Variants in SMCO4 observed in about 807,000 individuals in gnomAD.
SMCO4 encodes single-pass membrane protein with coiled-coil domains 4.
SMCO4 carries 4 observed loss-of-function variants against 3.6 expected under a neutral mutation model. The ratio of observed to expected loss-of-function variants is 1.11; its 90% CI spans 0.54 to 2.53. The LOEUF (loss-of-function observed/expected upper bound fraction) is 2.53, where lower values mean the gene tolerates loss of function less well. SMCO4 is among the 30% of genes most tolerant of loss of function. SMCO4 has a pLI of 0.02. For synonymous variants in SMCO4, 36 were observed against 35.3 expected (o/e 1.02, Z -0.07); for missense variants, 70 against 80.8 (o/e 0.87, Z 0.51).
intron 2 of SMCO4, among the ~76,000 whole-genome samples, chr11:93,495,186 G>A (rs1334847597): frequency 6.6e-6 from 1 of 152,068 alleles, no homozygotes; most frequent in African/African-American, 2.4e-5. Flanking sequence ...CCCAGGGTGA[G>A]TGAGGGGCCA....
intron 2 of SMCO4, among the ~76,000 whole-genome samples, chr11:93,488,022 A>T (rs1948670793): frequency 6.6e-6 from 1 of 152,204 alleles, no homozygotes; most frequent in Non-Finnish European, 1.5e-5. Flanking sequence ...ATTCACAGGG[A>T]ATGTGGAGAG....
intron 1 of SMCO4, among the ~76,000 whole-genome samples, chr11:93,509,980 T>C (rs1184026453): frequency 6.6e-6 from 1 of 152,024 alleles, no homozygotes; most frequent in East Asian, 1.9e-4. Flanking sequence ...GGAATAAAAC[T>C]AAAAAAGCAA....
At chr11:93,545,242 G>T (rs1344877756), upstream of SMCO4, among the ~76,000 whole-genome samples, 1 of 152,160 alleles carries the variant, frequency 6.6e-6, no homozygotes, top group African/African-American at 2.4e-5. Context: ...TTAATAAGGT[G>T]ACTCCACATG....
chr11:93,541,778 T>C (rs1591333264), intron 1 of SMCO4, among the ~76,000 whole-genome samples: 1 of 152,224 alleles, frequency 6.6e-6, no homozygotes, highest in Non-Finnish European at 1.5e-5. Context: ...CTTCTCATAT[T>C]TTATTTTAAA....
intron 1 of SMCO4, among the ~76,000 whole-genome samples, chr11:93,533,223 A>G (rs936415493): frequency 6.6e-5 from 10 of 152,036 alleles, no homozygotes; most frequent in African/African-American, 2.4e-4. Flanking sequence ...GGAAAGAGGG[A>G]GCAGGATCCA....
intron 2 of SMCO4, among the ~76,000 whole-genome samples, chr11:93,495,383 T>C (rs970015920): frequency 1.3e-5 from 2 of 151,888 alleles, no homozygotes; most frequent in Non-Finnish European, 2.9e-5. Context: ...GAATGGAGAG[T>C]ATCATGCCTA....
At chr11:93,491,319 G>A (rs1326915446) in intron 2 of SMCO4, among the ~76,000 whole-genome samples, 1 of 152,208 alleles carries the variant, frequency 6.6e-6, no homozygotes, top group Admixed American at 6.5e-5. Context: ...CCTATCCCTG[G>A]AGGCCATGTT....
chr11:93,483,243 A>G lies in SMCO4; in HGVS notation c.-80-3974T>C, dbSNP rs552101638. 7.8e-4 allele frequency among the ~76,000 whole-genome samples: 118 copies of G among 152,182 alleles called. 1 individual carries two copies. The highest frequency in any genetic ancestry group is 4.6e-4 in the Admixed American group (7 of 15,302). Reference sequence around the variant, plus strand: ...GAAATCAAGAAGCAATCACTTTTGGAGGGTGGAAAGGCCACCACAGAGCAC... The same window carrying G: ...GAAATCAAGAAGCAATCACTTTTGGGGGGTGGAAAGGCCACCACAGAGCAC... On this transcript the variant is annotated intron_variant, in intron 2 of 2. Coordinates refer to ENST00000298966, the MANE Select transcript of SMCO4 (RefSeq NM_020179.3).
chr11:93,484,859 T>G (rs1216399602), intron 2 of SMCO4, among the ~76,000 whole-genome samples: 1 of 151,978 alleles, frequency 6.6e-6, no homozygotes, highest in Non-Finnish European at 1.5e-5. Context: ...CACTTTCAAC[T>G]CTCATCACCC....
chr11:93,516,062 G>A (rs1206522696), intron 1 of SMCO4, among the ~76,000 whole-genome samples: 1 of 152,116 alleles, frequency 6.6e-6, no homozygotes, highest in Non-Finnish European at 1.5e-5. Flanking sequence ...CTATTACATG[G>A]CTGCAATTAC....
chr11:93,541,098 A>C (rs12289031), intron 1 of SMCO4, among the ~76,000 whole-genome samples: 42,492 of 151,852 alleles, frequency 0.28, 6,881 homozygotes, highest in African/African-American at 0.45. Flanking sequence ...TACACACACA[A>C]AAAAAATTCC....
At chr11:93,545,588 CAA>C (rs143549634), upstream of SMCO4, among the ~76,000 whole-genome samples, 101 of 85,986 alleles carry the variant, frequency 1.2e-3, no homozygotes, top group East Asian at 5.1e-3. Context: ...AACTCTGTCT[CAA>C]AAAAAAAAAA....
At chr11:93,518,979 A>G (rs1450480443) in intron 1 of SMCO4, among the ~76,000 whole-genome samples, 2 of 152,234 alleles carry the variant, frequency 1.3e-5, no homozygotes, top group Non-Finnish European at 2.9e-5. Flanking sequence ...CTAATGTCAA[A>G]AAATGACAGC....
chr11:93,530,245 C>T (rs1166706595), intron 1 of SMCO4, among the ~76,000 whole-genome samples: 1 of 152,166 alleles, frequency 6.6e-6, no homozygotes, highest in Non-Finnish European at 1.5e-5. Flanking sequence ...CACCAGTTCA[C>T]ACGTGTGAGG....
chr11:93,528,612 C>A (rs1949133632), intron 1 of SMCO4, among the ~76,000 whole-genome samples: 1 of 146,830 alleles, frequency 6.8e-6, no homozygotes. Context: ...CCGGCTCTAC[C>A]TTCCAGGAGC....
At chr11:93,490,873 T>G (rs1480071615) in intron 2 of SMCO4, among the ~76,000 whole-genome samples, 1 of 152,210 alleles carries the variant, frequency 6.6e-6, no homozygotes, top group Non-Finnish European at 1.5e-5. Context: ...GAAAGACGAA[T>G]AGGATGCTGA....
intron 1 of SMCO4, chr11:93,535,945 G>A (rs988971511): frequency 1.4e-6 from 2 of 1,478,542 alleles, no homozygotes; most frequent in African/African-American, 1.4e-5. Context: ...GGTCTTTTTG[G>A]AAAGAATAGT....
chr11:93,539,815 A>G (rs2134641794), intron 1 of SMCO4, among the ~76,000 whole-genome samples: 1 of 152,134 alleles, frequency 6.6e-6, no homozygotes, highest in Admixed American at 6.5e-5. Context: ...TCTAACAGAA[A>G]TTTCCCCCAC....
intron 2 of SMCO4, among the ~76,000 whole-genome samples, chr11:93,495,293 T>A (rs1379450642): frequency 6.6e-6 from 1 of 152,102 alleles, no homozygotes; most frequent in Non-Finnish European, 1.5e-5. Flanking sequence ...CAAACTTTGC[T>A]GTAACTCATC....
Sources: allele counts gnomAD v4.1 joint callset (sites outside exome capture counted in the v4.1 genomes callset), GRCh38; gene constraint gnomAD v4.1.1; transcripts MANE v1.5; gene names NCBI Gene and HGNC (gene_info 2026-07-23, HGNC 2026-07-21).